Variants in PDE6B observed in about 807,000 individuals in gnomAD.
The protein encoded by PDE6B is phosphodiesterase 6B.
Under a neutral mutation model 109.0 loss-of-function variants are expected in PDE6B, and 106 were observed. That is an observed-to-expected ratio of 0.97 (90% CI 0.83 to 1.14). The LOEUF is 1.14. Ranked by LOEUF, PDE6B falls within the 50% of genes most tolerant of loss-of-function variation. The pLI is 0.00. For synonymous variants in PDE6B, 490 were observed against 471.3 expected (o/e 1.04, Z -0.51); for missense variants, 1,193 against 1,155.6 (o/e 1.03, Z -0.47).
intron 3 of PDE6B, among the ~76,000 whole-genome samples, chr4:641,283 A>G (rs1282981205): frequency 6.6e-6 from 1 of 152,224 alleles, no homozygotes; most frequent in Non-Finnish European, 1.5e-5. Context: ...TCATTTTCCC[A>G]TGGTAATGTA....
chr4:643,273 A>G (rs1342534094), intron 3 of PDE6B, among the ~76,000 whole-genome samples: 1 of 151,958 alleles, frequency 6.6e-6, no homozygotes, highest in African/African-American at 2.4e-5. Context: ...ATGCCACTGC[A>G]CTCCAGCCAG....
At chr4:643,663 G>T (rs1368967619) in intron 3 of PDE6B, among the ~76,000 whole-genome samples, 1 of 151,896 alleles carries the variant, frequency 6.6e-6, no homozygotes. Context: ...CTAGTGATCA[G>T]TCTATTTCAT....
chr4:654,242 G>C, intron 5 of PDE6B, 88 bp downstream of exon 5: 2 of 1,229,338 alleles, frequency 1.6e-6, no homozygotes, highest in Non-Finnish European at 2.3e-6. Flanking sequence ...AGGGATAGGG[G>C]TGGGGTTTAG....
In PDE6B at chr4:663,949, G is replaced by T. The variant is rs921546734; in HGVS notation, c.2021+79G>T. On this transcript the variant is annotated intron_variant, in intron 16 of 21. Transcript: ENST00000496514. The surrounding 1 kb of genome is among the most constrained non-coding windows in gnomAD (Gnocchi z 4.0). ...CCCCGGCAGACACGGGGGCGCAGCG[G>T]CGGCACAGCCCGGGGGACGCAGCCC... 88 of 1,166,050 alleles carry T rather than the reference G, an allele frequency of 7.5e-5. No homozygotes were observed. In the Middle Eastern group the frequency reaches 9.9e-4, roughly 13 times the overall value. The allele number at this position is 1,166,050 out of a possible 1,614,324, so 72.2% of individuals were successfully genotyped here. A position where few individuals can be genotyped will look rare whatever the true frequency, so the allele number is the denominator to read the frequency against.
At chr4:627,147 TG>T (rs1048202634) in intron 1 of PDE6B, among the ~76,000 whole-genome samples, 3 of 147,506 alleles carry the variant, frequency 2.0e-5, no homozygotes, top group Non-Finnish European at 4.5e-5. Context: ...TTTTCGTTTG[TG>T]GGTTTTTTTT....
At position 626,037 on chromosome 4, in the gene PDE6B, G is replaced by T; in HGVS notation, c.411G>T (p.Gly137=). 6.3e-7 allele frequency: 1 copy of T among 1,596,194 alleles called. No homozygotes were observed. The change falls in exon 1 of 22, where the codon GGG becomes GGT. Residue 137 remains glycine, a synonymous_variant. Coordinates refer to ENST00000496514, the MANE Select transcript of PDE6B (RefSeq NM_000283.4). The surrounding 1 kb of genome is among the most constrained non-coding windows in gnomAD (Gnocchi z 4.6). The stretch of plus-strand genomic sequence containing the variant: ...AGATCGTCTTCCCACTGGACATCGG[G>T]GTCGTGGGCCACGTGGCTCAGACCA... ...DSEIVFPLDI[G]VVGHVAQTKK... is the part of the protein sequence containing the mutation.
At chr4:645,527 C>T (rs1487719877) in intron 3 of PDE6B, among the ~76,000 whole-genome samples, 2 of 151,564 alleles carry the variant, frequency 1.3e-5, no homozygotes, top group Admixed American at 6.6e-5. Flanking sequence ...GATCTCCTGA[C>T]CTCGTGATCC....
In PDE6B at chr4:663,726, A is replaced by G. The variant is rs764214486; in HGVS notation, c.1921-44A>G. 2 of 1,442,798 alleles carry G rather than the reference A, an allele frequency of 1.4e-6. No individual in the cohort carries two copies. The highest frequency in any genetic ancestry group is 9.7e-7 in the Non-Finnish European group (1 of 1,027,534). 89.4% of individuals were successfully genotyped at this position (1,442,798 alleles called of 1,614,324 possible). A position where few individuals can be genotyped will look rare whatever the true frequency, so the allele number is the denominator to read the frequency against. The stretch of plus-strand genomic sequence containing the variant: ...GGGCGGGGTCCCCGGGCACCCTGAG[A>G]GGTGGCCGCAGGGCGCCTGACGCGC... On this transcript the variant is annotated intron_variant, in intron 15 of 21. Coordinates refer to ENST00000496514, the MANE Select transcript of PDE6B (RefSeq NM_000283.4). The surrounding 1 kb of genome is among the most constrained non-coding windows in gnomAD (Gnocchi z 4.0).
intron 21 of PDE6B, among the ~76,000 whole-genome samples, chr4:668,761 TTCCCCTACCCCATGCTGC>T: frequency 1.2e-5 from 1 of 81,826 alleles, no homozygotes; most frequent in Non-Finnish European, 2.3e-5. Flanking sequence ...CCCCATGCTA[TTCCCCTACCCCATGCTGC>T]TCCCACTACC....
chr4:656,372 G>A (rs528157136), intron 8 of PDE6B, 80 bp downstream of exon 8: 15 of 1,002,404 alleles, frequency 1.5e-5, no homozygotes, highest in African/African-American at 3.2e-5. Context: ...AAGTGAATTC[G>A]TTTTTGCCAC....
chr4:625,786 G>T lies in PDE6B; in HGVS notation c.160G>T (p.Glu54Ter). ...CDSLRDLCQV[E>*]ESTALLELVQ... ...CAGCCTCCGGGACCTCTGCCAGGTG[G>T]AGGAGAGCACGGCGCTGCTGGAGCT... The change falls in exon 1 of 22, where the codon GAG becomes TAG. Residue 54 changes from glutamate (E) to a stop codon, truncating the protein, a stop_gained. Coordinates refer to ENST00000496514, the MANE Select transcript of PDE6B (RefSeq NM_000283.4). LOFTEE classifies it high-confidence loss of function. The surrounding 1 kb of genome is among the most constrained non-coding windows in gnomAD (Gnocchi z 5.0). 2.5e-6 allele frequency: 4 copies of T among 1,613,438 alleles called. No homozygotes were observed. The highest frequency in any genetic ancestry group is 3.4e-6 in the Non-Finnish European group (4 of 1,179,938).
chr4:654,391 G>A (rs1484349960), intron 5 of PDE6B: 15 of 652,214 alleles, frequency 2.3e-5, no homozygotes, highest in Admixed American at 1.1e-4. Context: ...GAAGACCCAC[G>A]TCGGCTCTGA....
At position 636,001 on chromosome 4, in the gene PDE6B, G is replaced by A. The variant is rs369780942; in HGVS notation, c.711+32G>A. On this transcript the variant is annotated intron_variant, in intron 3 of 21. Transcript: ENST00000496514. The surrounding 1 kb of genome is among the most constrained non-coding windows in gnomAD (Gnocchi z 4.5). The stretch of plus-strand genomic sequence containing the variant: ...ACACGCTGAGCACAGCTCTGCCCAC[G>A]AGGGCCAGGGTCCCTCCGCCCATCT... 4.7e-5 allele frequency: 61 copies of A among 1,284,310 alleles called. No homozygotes were observed. In the African/African-American group the frequency reaches 5.4e-4, roughly 11 times the overall value. 79.6% of individuals were successfully genotyped at this position (1,284,310 alleles called of 1,614,324 possible).
At position 653,597 on chromosome 4, in the gene PDE6B, G is replaced by T. The variant is rs933063089; in HGVS notation, c.712-255G>T. 1.4e-5 allele frequency: 8 copies of T among 585,440 alleles called. No individual in the cohort carries two copies. In the East Asian group the frequency reaches 2.0e-4, roughly 15 times the overall value. The allele number at this position is 585,440 out of a possible 1,614,324, so 36.3% of individuals were successfully genotyped here. On this transcript the variant is annotated intron_variant, in intron 3 of 21. Transcript: ENST00000496514. Reference sequence around the variant, plus strand: ...AAGCGACAGATTCCACTTTCCACTCGTCCACTCCTGAGTGATCAGGGACAC... The same window carrying T: ...AAGCGACAGATTCCACTTTCCACTCTTCCACTCCTGAGTGATCAGGGACAC...
At chr4:654,584 G>A (rs1409860427) in intron 5 of PDE6B, 1 of 624,102 alleles carries the variant, frequency 1.6e-6, no homozygotes, top group African/African-American at 1.8e-5. Context: ...ATTGGGGACG[G>A]TCTGCATGTG....
At chr4:637,943 C>T (rs972614835) in intron 3 of PDE6B, among the ~76,000 whole-genome samples, 3 of 152,254 alleles carry the variant, frequency 2.0e-5, no homozygotes, top group South Asian at 2.1e-4. Flanking sequence ...GGGGAATAGC[C>T]GCGTCAGGAC....
rs929913553 is a variant in PDE6B, at chr4:666,796, G to C, written c.2352+182G>C. Among the ~76,000 whole-genome samples the C allele has an allele frequency of 5.3e-5, 8 of 152,064 alleles. No individual in the cohort carries two copies. Among genetic ancestry groups the C allele is most frequent in the African/African-American group, 1.9e-4 (8 of 41,396 alleles). On this transcript the variant is annotated intron_variant, in intron 20 of 21. Transcript: ENST00000496514. This position sits in a 1 kb window ranked among gnomAD's most constrained non-coding sequence, Gnocchi z 5.6. ...CAAATGGGGAGGAACATCAGTTTCC[G>C]GACCCCCACAGGTGCCCCAGCCCAT... is the stretch of plus-strand genomic sequence containing the variant.
Position 635,970 on chromosome 4 carries a change from G to A in PDE6B, c.711+1G>A. The A allele has an allele frequency of 6.4e-7, 1 of 1,571,096 alleles. No homozygotes were observed. The highest frequency in any genetic ancestry group is 8.8e-7 in the Non-Finnish European group (1 of 1,140,980). ...CAACTGCGAGACGCGCCGCGGCCAGGTACCCACACGCTGAGCACAGCTCTG... is the reference window on the plus strand; with the variant it reads ...CAACTGCGAGACGCGCCGCGGCCAGATACCCACACGCTGAGCACAGCTCTG... On this transcript the variant is annotated splice_donor_variant, in intron 3 of 21. Coordinates refer to ENST00000496514, the MANE Select transcript of PDE6B (RefSeq NM_000283.4). LOFTEE classifies it high-confidence loss of function.
Position 667,792 on chromosome 4 carries a change from G to C in PDE6B, c.2353-64G>C, listed in dbSNP as rs577440994. On this transcript the variant is annotated intron_variant, in intron 20 of 21. Coordinates refer to ENST00000496514, the MANE Select transcript of PDE6B (RefSeq NM_000283.4). ...CTACGAGGGGGATGAGCTGGGGAAGGGCTATCTTACTCTGGAGAGAGCAGG... is the reference window on the plus strand; with the variant it reads ...CTACGAGGGGGATGAGCTGGGGAAGCGCTATCTTACTCTGGAGAGAGCAGG... The C allele has an allele frequency of 5.8e-6, 9 of 1,543,596 alleles. No individual in the cohort carries two copies. In the East Asian group the frequency reaches 1.6e-4, roughly 27 times the overall value.
Sources: allele counts gnomAD v4.1 joint callset (sites outside exome capture counted in the v4.1 genomes callset), GRCh38; gene constraint gnomAD v4.1.1; non-coding constraint Gnocchi (gnomAD v3.1); transcripts MANE v1.5; gene names NCBI Gene and HGNC (gene_info 2026-07-23, HGNC 2026-07-21).